Variants in ITPRID1 observed in about 807,000 individuals in gnomAD.
ITPRID1 encodes the protein ITPR interacting domain containing 1, also known as protein ITPRID1.
Under a neutral mutation model 95.4 loss-of-function variants are expected in ITPRID1, and 96 were observed. The ratio of observed to expected loss-of-function variants is 1.01; its 90% CI spans 0.85 to 1.19. ITPRID1 has a LOEUF of 1.19. Among genes scored for constraint, ITPRID1 ranks in the 50% most tolerant of loss-of-function variants. The probability of loss-of-function intolerance (pLI) is 0.00; values close to 1 mark genes in which losing one functional copy is unlikely to be tolerated. For synonymous variants in ITPRID1, 510 were observed against 453.6 expected (o/e 1.12, Z -1.58); for missense variants, 1,339 against 1,252.9 (o/e 1.07, Z -1.04).
chr7:31,534,555 T>G (rs1397344785), intron 1 of ITPRID1, among the ~76,000 whole-genome samples: 2 of 152,202 alleles, frequency 1.3e-5, no homozygotes, highest in African/African-American at 2.4e-5. Context: ...CTACTTTATC[T>G]TGTATTATTG....
intron 8 of ITPRID1, among the ~76,000 whole-genome samples, chr7:31,575,530 G>A (rs757340430): frequency 1.3e-5 from 2 of 152,110 alleles, no homozygotes; most frequent in African/African-American, 4.8e-5. Flanking sequence ...AGCGTAATAG[G>A]TTTATTTACT....
chr7:31,658,299 CTTTT>C (rs35589779), downstream of ITPRID1: 4 of 1,388,470 alleles, frequency 2.9e-6, no homozygotes, highest in African/African-American at 4.4e-5. Context: ...AGCTGGATCC[CTTTT>C]TTTTTTCTTC....
At chr7:31,571,875 C>G (rs978275155) in intron 6 of ITPRID1, among the ~76,000 whole-genome samples, 1 of 152,152 alleles carries the variant, frequency 6.6e-6, no homozygotes, top group Admixed American at 6.5e-5. Context: ...TGAGCACTAG[C>G]GGGCACCTAA....
At chr7:31,657,262 G>A (rs186604317), downstream of ITPRID1, among the ~76,000 whole-genome samples, 18 of 127,384 alleles carry the variant, frequency 1.4e-4, no homozygotes, top group Non-Finnish European at 2.9e-4. Context: ...CTGATTTCCT[G>A]ATTTGTTAAA....
At chr7:31,586,710 G>C (rs1309799942) in intron 10 of ITPRID1, among the ~76,000 whole-genome samples, 3 of 152,124 alleles carry the variant, frequency 2.0e-5, no homozygotes, top group East Asian at 3.9e-4. Flanking sequence ...TTGTAAATTT[G>C]TTTGAGTTCA....
Position 31,553,136 on chromosome 7 carries a change from CT to C in ITPRID1, c.113del (p.Leu38ArgfsTer59), listed in dbSNP as rs1484121534. 1.3e-6 allele frequency: 2 copies of C among 1,594,254 alleles called. No individual in the cohort carries two copies. The highest frequency in any genetic ancestry group is 1.3e-5 in the African/African-American group (1 of 74,562). On this transcript the variant is annotated frameshift_variant, in exon 3 of 15. Transcript: ENST00000615280. LOFTEE classifies it high-confidence loss of function. ...KSAWAPLDEWLPPDPEEESQS... is the reference protein window; with the variant it reads ...KSAWAPLDEWXPPDPEEESQS... Reference sequence around the variant, plus strand: ...CGCGTGGGCTCCGCTGGATGAGTGGCTGCCCCCTGACCCTGAGGAGGAAAGC... The same window carrying C: ...CGCGTGGGCTCCGCTGGATGAGTGGCGCCCCCTGACCCTGAGGAGGAAAGC...
rs1791067361 is a variant in ITPRID1 at position 31,652,663 on chromosome 7, G to A, written c.2969G>A (p.Gly990Asp). The change falls in exon 15 of 15, where the codon GGC (glycine) becomes GAC (aspartate). Residue 990 changes from glycine to aspartate, a missense_variant. Transcript: ENST00000615280. ...APRTVFPPDD[G>D]QEAPCSGGTQ... ...AGGACTGTGTTTCCTCCCGATGATG[G>A]CCAGGAGGCTCCCTGTTCAGGTGGG... 6.2e-7 allele frequency: 1 copy of A among 1,613,870 alleles called. No individual in the cohort carries two copies.
intron 7 of ITPRID1, among the ~76,000 whole-genome samples, chr7:31,572,734 C>T (rs1785035138): frequency 6.6e-6 from 1 of 152,052 alleles, no homozygotes; most frequent in Admixed American, 6.6e-5. Context: ...CTAATTTCTT[C>T]CACCATTAAG....
intron 5 of ITPRID1, among the ~76,000 whole-genome samples, chr7:31,563,743 G>C (rs750607045): frequency 6.6e-6 from 1 of 152,048 alleles, no homozygotes; most frequent in Non-Finnish European, 1.5e-5. Context: ...TTGAGGTGAC[G>C]AGGGTTTACA....
chr7:31,581,753 A>G (rs1390911030), intron 9 of ITPRID1, among the ~76,000 whole-genome samples: 1 of 152,090 alleles, frequency 6.6e-6, no homozygotes, highest in African/African-American at 2.4e-5. Flanking sequence ...TGTGCTTCAC[A>G]TTGCCCTAAG....
At chr7:31,648,314 C>T (rs1237353528) in intron 12 of ITPRID1, among the ~76,000 whole-genome samples, 1 of 151,522 alleles carries the variant, frequency 6.6e-6, no homozygotes, top group Non-Finnish European at 1.5e-5. Flanking sequence ...TATAATCAAG[C>T]CTTTATATTG....
At chr7:31,613,656 T>C (rs1192874029) in intron 10 of ITPRID1, among the ~76,000 whole-genome samples, 1 of 152,228 alleles carries the variant, frequency 6.6e-6, no homozygotes, top group African/African-American at 2.4e-5. Flanking sequence ...GCCATTTTTC[T>C]TTTAAATTCA....
Position 31,643,082 on chromosome 7 carries a change from C to T in ITPRID1, c.1712C>T (p.Thr571Ile). The T allele has an allele frequency of 6.2e-7, 1 of 1,613,972 alleles. No homozygotes were observed. The highest frequency in any genetic ancestry group is 8.5e-7 in the Non-Finnish European group (1 of 1,179,882). Residue 571 changes from threonine (T) to isoleucine (I), a missense_variant, in exon 12 of 15, where the codon ACC becomes ATC. Coordinates refer to ENST00000615280, the MANE Select transcript of ITPRID1 (RefSeq NM_001257967.3). The stretch of plus-strand genomic sequence containing the variant: ...GATCATCCTCTGGGGTTTATGGTAA[C>T]CCACGTCACAGAAATGCAGGACAGT... ...KYDHPLGFMV[T>I]HVTEMQDSFV...
chr7:31,569,615 C>T lies in ITPRID1; in HGVS notation c.257-143C>T, dbSNP rs530864385. Reference sequence around the variant, plus strand: ...AGCCATTAATTTCATTCTGTCTATTCACTGCAGTGATGCCTTGTATTTCAT... The same window carrying T: ...AGCCATTAATTTCATTCTGTCTATTTACTGCAGTGATGCCTTGTATTTCAT... On this transcript the variant is annotated intron_variant, in intron 5 of 14. Transcript: ENST00000615280. 88 of 643,516 alleles carry T rather than the reference C, an allele frequency of 1.4e-4. No individual in the cohort carries two copies. In the African/African-American group the frequency reaches 1.4e-3, roughly 10 times the overall value. 39.9% of individuals were successfully genotyped at this position (643,516 alleles called of 1,614,324 possible). A position where few individuals can be genotyped will look rare whatever the true frequency, so the allele number is the denominator to read the frequency against.
At chr7:31,547,526 AG>A (rs1784138884) in intron 1 of ITPRID1, among the ~76,000 whole-genome samples, 1 of 150,912 alleles carries the variant, frequency 6.6e-6, no homozygotes, top group Admixed American at 6.6e-5. Flanking sequence ...AACAGCATGG[AG>A]GTAACTGCCT....
intron 11 of ITPRID1, 132 bp from the exon 12 acceptor site, chr7:31,642,550 C>G: frequency 1.2e-6 from 1 of 805,544 alleles, no homozygotes. Flanking sequence ...AAGAGGTAAA[C>G]AGATGCAAAA....
chr7:31,635,778 G>C (rs944036106), intron 10 of ITPRID1, among the ~76,000 whole-genome samples: 1 of 151,984 alleles, frequency 6.6e-6, no homozygotes, highest in African/African-American at 2.4e-5. Flanking sequence ...CTTGTAAGGG[G>C]AGGGCGGGGG....
At chr7:31,515,379 C>T (rs1288212978) in intron 1 of ITPRID1, among the ~76,000 whole-genome samples, 5 of 151,802 alleles carry the variant, frequency 3.3e-5, no homozygotes, top group Admixed American at 3.3e-4. Flanking sequence ...AAATGGAGAC[C>T]AGCCTGACCA....
At position 31,642,866 on chromosome 7, in the gene ITPRID1, T is replaced by C. The variant is rs1790149770; in HGVS notation, c.1496T>C (p.Val499Ala). The C allele has an allele frequency of 1.9e-6, 3 of 1,614,032 alleles. No individual in the cohort carries two copies. The highest frequency in any genetic ancestry group is 1.3e-5 in the African/African-American group (1 of 75,064). Residue 499 changes from valine to alanine, a missense_variant, in exon 12 of 15, where the codon GTA (valine) becomes GCA (alanine). Val to Ala is a moderately conservative substitution (Grantham distance 64, BLOSUM62 0). Transcript: ENST00000615280. ...EANALEQRAS[V>A]SVMEEEFLLE... is the part of the protein sequence containing the mutation. ...AATGCCTTGGAACAAAGGGCCTCAG[T>C]ATCTGTGATGGAGGAAGAGTTTCTG...
Sources: allele counts gnomAD v4.1 joint callset (sites outside exome capture counted in the v4.1 genomes callset), GRCh38; gene constraint gnomAD v4.1.1; transcripts MANE v1.5; gene names NCBI Gene and HGNC (gene_info 2026-07-23, HGNC 2026-07-21).